The following ANO1 variants were observed in gnomAD, a reference collection of about 807,000 sequenced individuals.
ANO1 encodes the protein anoctamin-1.
Under a neutral mutation model 124.0 loss-of-function variants are expected in ANO1, and 59 were observed. The observed-to-expected ratio is 0.48, with a 90% CI of 0.39 to 0.59. The LOEUF (loss-of-function observed/expected upper bound fraction) is 0.59. Ranked by LOEUF, ANO1 falls within the 20% of genes least tolerant of loss-of-function variation. The probability of loss-of-function intolerance (pLI) is 0.00; values close to 1 mark genes in which losing one functional copy is unlikely to be tolerated. For synonymous variants in ANO1, 529 were observed against 532.0 expected (o/e 0.99, Z 0.08); for missense variants, 1,059 against 1,328.0 (o/e 0.80, Z 3.15).
At chr11:69,987,372 C>T (rs1388264910) in intron 1 of ANO1, among the ~76,000 whole-genome samples, 1 of 152,210 alleles carries the variant, frequency 6.6e-6, no homozygotes, top group Non-Finnish European at 1.5e-5. Flanking sequence ...GATTCAAATG[C>T]TTCACACATT....
Position 69,996,035 on chromosome 11 carries a change from C to A in ANO1, c.58+9869C>A, listed in dbSNP as rs146238148. ...CTGAGACAGGAGAATCGCTTGAACCCAGGAGGTAGAGGTTGCAGTGAGCCG... is the reference window on the plus strand; with the variant it reads ...CTGAGACAGGAGAATCGCTTGAACCAAGGAGGTAGAGGTTGCAGTGAGCCG... On this transcript the variant is annotated intron_variant, in intron 1 of 27. Coordinates refer to the ANO1 transcript ENST00000531349. Among the ~76,000 whole-genome samples, 590 of 152,320 alleles carry A rather than the reference C, an allele frequency of 3.9e-3. 3 individuals carry two copies. The highest frequency in any genetic ancestry group is 0.014 in the African/African-American group (565 of 41,566).
chr11:70,024,087 C>T (rs1555002912), intron 1 of ANO1, among the ~76,000 whole-genome samples: 2 of 152,234 alleles, frequency 1.3e-5, no homozygotes, highest in Non-Finnish European at 1.5e-5. Flanking sequence ...GTTGGGTCCA[C>T]CCTCAGGACT....
intron 1 of ANO1, among the ~76,000 whole-genome samples, chr11:70,010,076 T>A (rs185055117): frequency 5.3e-5 from 8 of 151,690 alleles, no homozygotes; most frequent in Non-Finnish European, 1.0e-4. Context: ...TCCAACTCCA[T>A]CCAGGTTGCT....
At chr11:70,160,819 C>T (rs553709886) in intron 16 of ANO1, among the ~76,000 whole-genome samples, 9 of 152,330 alleles carry the variant, frequency 5.9e-5, no homozygotes, top group Admixed American at 1.3e-4. Context: ...GCCTGGGCTC[C>T]GGGAAGATGG....
chr11:70,108,848 G>C (rs2045661717), intron 6 of ANO1, among the ~76,000 whole-genome samples: 1 of 152,176 alleles, frequency 6.6e-6, no homozygotes, highest in African/African-American at 2.4e-5. Context: ...CCCTGACCAG[G>C]CACCACCAGG....
Position 70,175,292 on chromosome 11 carries a change from G to A in ANO1, c.2350+4253G>A, listed in dbSNP as rs368928426. 6.6e-5 allele frequency among the ~76,000 whole-genome samples: 10 copies of A among 152,242 alleles called. No individual in the cohort carries two copies. The East Asian group carries it at 1.2e-3, about 18-fold the overall frequency. Reference sequence around the variant, plus strand: ...GCTACTCACTTCCTGGTTCCTGTCCGGTTGGCTGAAGGCATAATCTGCCCT... The same window carrying A: ...GCTACTCACTTCCTGGTTCCTGTCCAGTTGGCTGAAGGCATAATCTGCCCT... On this transcript the variant is annotated intron_variant, in intron 22 of 25. Coordinates refer to ENST00000355303, the MANE Select transcript of ANO1 (RefSeq NM_018043.7).
At chr11:69,974,924 A>T in the ANO1 span, among the ~76,000 whole-genome samples, 1 of 151,284 alleles carries the variant, frequency 6.6e-6, no homozygotes, top group Non-Finnish European at 1.5e-5. Flanking sequence ...ATTAGGACAC[A>T]CACACAGAGG....
chr11:70,085,574 T>G, intron 1 of ANO1: 1 of 1,535,944 alleles, frequency 6.5e-7, no homozygotes, highest in Non-Finnish European at 8.7e-7. Flanking sequence ...AGAGGCATCC[T>G]AGGGCCAGAG....
intron 12 of ANO1, 93 bp from the exon 13 acceptor site, chr11:70,152,357 A>AAAAATTTT: frequency 1.1e-6 from 1 of 922,376 alleles, no homozygotes; most frequent in South Asian, 1.6e-5. Context: ...AAAAAAAAAA[A>AAAAATTTT]GTTGTCCTTA....
intron 6 of ANO1, among the ~76,000 whole-genome samples, chr11:70,110,516 T>G (rs2135401255): frequency 6.6e-6 from 1 of 152,204 alleles, no homozygotes; most frequent in Admixed American, 6.5e-5. Flanking sequence ...CAGACAAACT[T>G]TTCACTCACA....
chr11:70,125,995 G>A (rs924172076), intron 9 of ANO1, 66 bp from the exon 10 acceptor site: 6 of 1,521,402 alleles, frequency 3.9e-6, no homozygotes, highest in Non-Finnish European at 4.4e-6. Flanking sequence ...GGGAGGGCCT[G>A]TGACATGTTT....
At chr11:70,104,224 C>A (rs1028122454) in intron 4 of ANO1, 74 bp downstream of exon 4, 38 of 1,462,334 alleles carry the variant, frequency 2.6e-5, no homozygotes, top group Non-Finnish European at 3.1e-5. Flanking sequence ...ATGAGAAATG[C>A]AGATTGATTA....
intron 1 of ANO1, among the ~76,000 whole-genome samples, chr11:70,019,236 A>AC (rs1491098279): frequency 0.057 from 1,359 of 23,940 alleles, 178 homozygotes; most frequent in East Asian, 0.54. Flanking sequence ...GGGAAAGAAG[A>AC]ACCCCCCCAC....
intron 1 of ANO1, among the ~76,000 whole-genome samples, chr11:69,996,514 A>G (rs1856274222): frequency 6.6e-6 from 1 of 152,224 alleles, no homozygotes; most frequent in South Asian, 2.1e-4. Context: ...TTTAATAAAC[A>G]GTCATTGGAA....
chr11:70,189,173 A>G lies in ANO1; in HGVS notation c.*1169A>G, dbSNP rs2049265458. The G allele has an allele frequency of 6.6e-6, 1 of 152,568 alleles. No individual in the cohort carries two copies. Among genetic ancestry groups the G allele is most frequent in the Non-Finnish European group, 1.5e-5 (1 of 68,032 alleles). The allele number at this position is 152,568 out of a possible 1,614,324, so 9.5% of individuals were successfully genotyped here. A position where few individuals can be genotyped will look rare whatever the true frequency, so the allele number is the denominator to read the frequency against. ...CAATGATACTAAACAACTCTCTGAAATTTCTCAAGCACCAAGAGAAACATC... is the reference window on the plus strand; with the variant it reads ...CAATGATACTAAACAACTCTCTGAAGTTTCTCAAGCACCAAGAGAAACATC... On this transcript the variant is annotated 3_prime_UTR_variant, in exon 26 of 26. Coordinates refer to ENST00000355303, the MANE Select transcript of ANO1 (RefSeq NM_018043.7).
intron 1 of ANO1, among the ~76,000 whole-genome samples, chr11:70,057,135 T>C (rs1857454746): frequency 6.6e-6 from 1 of 152,222 alleles, no homozygotes; most frequent in Non-Finnish European, 1.5e-5. Flanking sequence ...TTTGTTTTGT[T>C]TCTGTGGTTC....
At position 70,095,416 on chromosome 11, in the gene ANO1, AAGAAAGAAAGAAAAGAAAAG is replaced by A. The variant is rs1323541436; in HGVS notation, c.441+7334_441+7353del. ...AAAGAAAGAAAGAAAGAAAGAAAGA[AAGAAAGAAAGAAAAGAAAAG>A]AAAGAAAGAGGGAAAGAAAATTCAT... is the stretch of plus-strand genomic sequence containing the variant. On this transcript the variant is annotated intron_variant, in intron 2 of 25. Transcript: ENST00000355303. Among the ~76,000 whole-genome samples the A allele has an allele frequency of 1.4e-3, 53 of 37,778 alleles. 2 individuals carry two copies. The highest frequency in any genetic ancestry group is 2.7e-3 in the Non-Finnish European group (39 of 14,254). 24.8% of individuals were successfully genotyped at this position (37,778 alleles called of 152,430 possible). A position where few individuals can be genotyped will look rare whatever the true frequency, so the allele number is the denominator to read the frequency against.
intron 1 of ANO1, among the ~76,000 whole-genome samples, chr11:70,073,213 G>A (rs557598334): frequency 4.0e-5 from 6 of 150,040 alleles, no homozygotes; most frequent in Non-Finnish European, 6.0e-5. Flanking sequence ...CGGGGAGTCC[G>A]ACCCTGTCCC....
At chr11:70,083,565 C>G (rs1454118319) in intron 1 of ANO1, among the ~76,000 whole-genome samples, 5 of 152,184 alleles carry the variant, frequency 3.3e-5, no homozygotes, top group African/African-American at 1.2e-4. Flanking sequence ...CGTATTGAAC[C>G]TGGTAGCCTT....
Sources: gnomAD v4.1 joint callset for allele counts (sites outside exome capture counted in the v4.1 genomes callset) on GRCh38, gnomAD v4.1.1 for gene constraint, MANE v1.5 for transcripts, NCBI Gene and HGNC (gene_info 2026-07-23, HGNC 2026-07-21) for gene names.